Variants in GLDC observed in about 807,000 individuals in gnomAD.
GLDC encodes the protein glycine dehydrogenase (decarboxylating), mitochondrial.
A neutral mutation model predicts 121.3 loss-of-function variants in GLDC; 104 were observed. That is an observed-to-expected ratio of 0.86 (90% CI 0.73 to 1.01). The LOEUF (loss-of-function observed/expected upper bound fraction) is 1.01. GLDC is among the 50% of genes least tolerant of loss of function. The pLI is 0.00. For missense variants in GLDC, 1,429 were observed against 1,306.6 expected (o/e 1.09, Z -1.44); for synonymous variants, 546 against 480.6 (o/e 1.14, Z -1.78).
At chr9:6,582,110 G>T (rs1353139381) in intron 15 of GLDC, among the ~76,000 whole-genome samples, 2 of 151,548 alleles carry the variant, frequency 1.3e-5, no homozygotes, top group Non-Finnish European at 2.9e-5. Flanking sequence ...AGCTACTTGG[G>T]AGGCCAAGGC....
intron 6 of GLDC, 107 bp downstream of exon 6, chr9:6,605,024 T>G: frequency 8.8e-7 from 1 of 1,140,684 alleles, no homozygotes; most frequent in South Asian, 1.2e-5. Flanking sequence ...TTCCATGTGA[T>G]AATGGTAAAG....
intron 15 of GLDC, among the ~76,000 whole-genome samples, chr9:6,583,153 C>T (rs895622294): frequency 5.3e-5 from 8 of 152,172 alleles, no homozygotes; most frequent in Admixed American, 2.0e-4. Context: ...GAAGACAGTA[C>T]GGCGATTCCT....
At chr9:6,541,323 A>C (rs549838507) in intron 21 of GLDC, 1 of 152,236 alleles carries the variant, frequency 6.6e-6, no homozygotes, top group African/African-American at 2.4e-5. Context: ...CAACTGATGA[A>C]TTTCCTTCCA....
At chr9:6,588,351 T>G (rs369156566) in intron 14 of GLDC, 50 bp downstream of exon 14, 12 of 1,313,486 alleles carry the variant, frequency 9.1e-6, no homozygotes, top group Non-Finnish European at 1.1e-6. Context: ...AGGTGGAAGC[T>G]AGAACACTGC....
intron 15 of GLDC, among the ~76,000 whole-genome samples, chr9:6,584,512 G>C (rs868776360): frequency 1.2e-4 from 18 of 152,130 alleles, no homozygotes; most frequent in Admixed American, 7.2e-4. Context: ...GCAGAGATTA[G>C]CACAAATAAG....
chr9:6,587,436 C>A (rs1818293445), intron 14 of GLDC, among the ~76,000 whole-genome samples, 153 bp from the exon 15 acceptor site: 1 of 152,154 alleles, frequency 6.6e-6, no homozygotes, highest in South Asian at 2.1e-4. Flanking sequence ...TCCACCACAA[C>A]CTTATAAGGT....
intron 15 of GLDC, among the ~76,000 whole-genome samples, chr9:6,568,672 A>T (rs569148290): frequency 1.3e-4 from 20 of 151,722 alleles, no homozygotes; most frequent in African/African-American, 4.8e-4. Context: ...ACATGGTGAA[A>T]CCCCATTTCT....
Position 6,558,480 on chromosome 9 carries a change from A to G in GLDC, c.2052+79T>C, listed in dbSNP as rs913211603. ...CATTAGAATGCAAGAGAAGACATTT[A>G]CATAATCCATCAAGTCCCTGATCCC... On this transcript the variant is annotated intron_variant, in intron 17 of 24. Transcript: ENST00000321612. 2.2e-5 allele frequency: 33 copies of G among 1,489,522 alleles called. No homozygotes were observed. In the Admixed American group the frequency reaches 5.5e-4, roughly 25 times the overall value. The allele number at this position is 1,489,522 out of a possible 1,614,324, so 92.3% of individuals were successfully genotyped here.
At position 6,599,242 on chromosome 9, in the gene GLDC, T is replaced by G. The variant is rs561601065; in HGVS notation, c.1155+2867A>C. On this transcript the variant is annotated intron_variant, in intron 8 of 24. Coordinates refer to ENST00000321612, the MANE Select transcript of GLDC (RefSeq NM_000170.3). ...ACTGGTTCACTGCAGACAGCCCAAATTCACCTGGAAAATGAACCTAGAGGC... is the reference window on the plus strand; with the variant it reads ...ACTGGTTCACTGCAGACAGCCCAAAGTCACCTGGAAAATGAACCTAGAGGC... Among the ~76,000 whole-genome samples the G allele has an allele frequency of 1.1e-3, 161 of 150,150 alleles. 2 individuals are homozygous for G. The highest frequency in any genetic ancestry group is 3.8e-3 in the African/African-American group (157 of 40,972).
At chr9:6,536,906 T>G (rs1436357678) in intron 22 of GLDC, among the ~76,000 whole-genome samples, 1 of 152,214 alleles carries the variant, frequency 6.6e-6, no homozygotes, top group Admixed American at 6.5e-5. Flanking sequence ...ACAGGCTCAG[T>G]GTGTTTCTGT....
At chr9:6,565,241 G>A (rs1428743159) in intron 16 of GLDC, 113 bp downstream of exon 16, 2 of 810,192 alleles carry the variant, frequency 2.5e-6, no homozygotes, top group Non-Finnish European at 4.5e-6. Context: ...TTGACTATAT[G>A]TTCCCTCATC....
intron 19 of GLDC, 68 bp from the exon 20 acceptor site, chr9:6,553,577 G>A: frequency 1.3e-6 from 2 of 1,500,194 alleles, no homozygotes; most frequent in Admixed American, 1.7e-5. Flanking sequence ...GGAAGGTTCT[G>A]GGCCCTCCCA....
chr9:6,629,958 T>TATATATATATATATGTATATATA, intron 2 of GLDC, among the ~76,000 whole-genome samples: 4 of 78,674 alleles, frequency 5.1e-5, no homozygotes, highest in South Asian at 4.3e-4. Flanking sequence ...TATATATATA[T>TATATATATATATATGTATATATA]TTTTTTTTTT....
In GLDC at chr9:6,613,785, T is replaced by C. The variant is rs544625952; in HGVS notation, c.471-3429A>G. ...ATGATAACTAGTTTTTTGGGGTTTT[T>C]ATTTTTTTTTAGATAGAGTCTTGCT... On this transcript the variant is annotated intron_variant, in intron 3 of 24. Transcript: ENST00000321612. Among the ~76,000 whole-genome samples, 17 of 152,302 alleles carry C rather than the reference T, an allele frequency of 1.1e-4. No homozygotes were observed. The East Asian group carries it at 2.9e-3, about 26-fold the overall frequency.
At chr9:6,620,595 A>C (rs1395391384) in intron 2 of GLDC, among the ~76,000 whole-genome samples, 1 of 151,888 alleles carries the variant, frequency 6.6e-6, no homozygotes, top group African/African-American at 2.4e-5. Context: ...GCCCATTTTA[A>C]CACTTGCCTC....
rs1265365898 is a variant in GLDC at position 6,583,695 on chromosome 9, T to TA, written c.1850+3445dup. Among the ~76,000 whole-genome samples, 3 of 152,202 alleles carry TA rather than the reference T, an allele frequency of 2.0e-5. No individual in the cohort carries two copies. In the East Asian group the frequency reaches 5.8e-4, roughly 29 times the overall value. On this transcript the variant is annotated intron_variant, in intron 15 of 24. Transcript: ENST00000321612. ...TGTCTGAAAAAAAGAAAAAAGGAAG[T>TA]AAATTCTGACACATGCCACAACATT...
intron 15 of GLDC, among the ~76,000 whole-genome samples, chr9:6,570,854 C>CAAAA (rs34740127): frequency 5.0e-5 from 5 of 99,472 alleles, no homozygotes; most frequent in Admixed American, 1.1e-4. Flanking sequence ...AACTCTGTCT[C>CAAAA]AAAAAAAAAA....
chr9:6,616,012 C>T (rs190774329), intron 3 of GLDC, among the ~76,000 whole-genome samples: 3 of 152,286 alleles, frequency 2.0e-5, no homozygotes, highest in South Asian at 4.2e-4. Flanking sequence ...TTGGGCACTA[C>T]AGCCTCAAAC....
At chr9:6,553,705 C>T (rs1333096316) in intron 19 of GLDC, among the ~76,000 whole-genome samples, 196 bp from the exon 20 acceptor site, 1 of 152,078 alleles carries the variant, frequency 6.6e-6, no homozygotes, top group East Asian at 1.9e-4. Flanking sequence ...GGTCCACCAG[C>T]CATCAGTGTC....
Sources: gnomAD v4.1 joint callset for allele counts (sites outside exome capture counted in the v4.1 genomes callset) on GRCh38, gnomAD v4.1.1 for gene constraint, MANE v1.5 for transcripts, NCBI Gene and HGNC (gene_info 2026-07-23, HGNC 2026-07-21) for gene names.